Variants in CEP126 observed in about 807,000 individuals in gnomAD.
The protein encoded by CEP126 is centrosomal protein of 126 kDa.
A neutral mutation model predicts 107.8 loss-of-function variants in CEP126; 74 were observed. That is an observed-to-expected ratio of 0.69 (90% CI 0.57 to 0.83). The LOEUF (loss-of-function observed/expected upper bound fraction) is 0.83. Ranked by LOEUF, CEP126 falls within the 40% of genes least tolerant of loss-of-function variation. CEP126 has a pLI of 0.00. For missense variants in CEP126, 1,237 were observed against 1,281.9 expected, an observed-to-expected ratio of 0.96 and a Z score of 0.53; for synonymous variants, 449 against 446.0, an observed-to-expected ratio of 1.01 and a Z score of -0.08.
intron 10 of CEP126, 195 bp downstream of exon 10, chr11:101,993,037 C>A: frequency 7.0e-6 from 2 of 284,530 alleles, no homozygotes; most frequent in Non-Finnish European, 5.3e-6. Context: ...TTAAAAAAAT[C>A]CTTAAAGGTC....
intron 6 of CEP126, among the ~76,000 whole-genome samples, chr11:101,969,171 C>T (rs1226338870): frequency 6.6e-6 from 1 of 152,074 alleles, no homozygotes; most frequent in Non-Finnish European, 1.5e-5. Flanking sequence ...CAGGTGTATG[C>T]CACCATGGCT....
chr11:101,999,245 A>G lies in CEP126; in HGVS notation c.*1602A>G, dbSNP rs1236116836. 1 of 151,824 alleles carries G rather than the reference A, an allele frequency of 6.6e-6. No individual in the cohort carries two copies. The highest frequency in any genetic ancestry group is 1.5e-5 in the Non-Finnish European group (1 of 67,986). The allele number at this position is 151,824 out of a possible 1,614,324, so 9.4% of individuals were successfully genotyped here. Reference sequence around the variant, plus strand: ...TCAATGGGGGTAAACAGGCCAGAAGAGTGTGCCAAGTTGTTTGTGAATCAT... The same window carrying G: ...TCAATGGGGGTAAACAGGCCAGAAGGGTGTGCCAAGTTGTTTGTGAATCAT... On this transcript the variant is annotated 3_prime_UTR_variant, in exon 11 of 11. Transcript: ENST00000263468.
intron 6 of CEP126, among the ~76,000 whole-genome samples, chr11:101,974,228 G>C (rs1258590692): frequency 6.6e-6 from 1 of 152,144 alleles, no homozygotes; most frequent in East Asian, 1.9e-4. Flanking sequence ...GCAGTAACAA[G>C]CAGATCTTTA....
chr11:101,963,970 T>TA, intron 6 of CEP126, 90 bp downstream of exon 6: 1 of 788,870 alleles, frequency 1.3e-6, no homozygotes, highest in East Asian at 2.6e-5. Context: ...TGGCCATACA[T>TA]ACTACATAAA....
At chr11:101,933,919 A>G (rs1421156885) in intron 2 of CEP126, among the ~76,000 whole-genome samples, 1 of 151,374 alleles carries the variant, frequency 6.6e-6, no homozygotes, top group Non-Finnish European at 1.5e-5. Context: ...GGATGAAGTA[A>G]TTTTTTCGGT....
chr11:101,985,334 G>C (rs1202536640), intron 8 of CEP126, among the ~76,000 whole-genome samples: 1 of 150,304 alleles, frequency 6.7e-6, no homozygotes, highest in Non-Finnish European at 1.5e-5. Flanking sequence ...CTAGGCTGAA[G>C]TGCAATGGTG....
At chr11:101,959,988 A>G (rs895857517) in intron 5 of CEP126, among the ~76,000 whole-genome samples, 4 of 152,214 alleles carry the variant, frequency 2.6e-5, no homozygotes, top group African/African-American at 9.6e-5. Flanking sequence ...TAAAGAAACC[A>G]TCGCTGGAAA....
At position 102,000,382 on chromosome 11, in the gene CEP126, A is replaced by G. The variant is rs1467130573; in HGVS notation, c.*2739A>G. 1.3e-5 allele frequency: 2 copies of G among 152,106 alleles called. No homozygotes were observed. Among genetic ancestry groups the G allele is most frequent in the Non-Finnish European group, 2.9e-5 (2 of 68,014 alleles). The allele number at this position is 152,106 out of a possible 1,614,324, so 9.4% of individuals were successfully genotyped here. The stretch of plus-strand genomic sequence containing the variant: ...AGTGGAAAAACTTATGAAACTTCTT[A>G]TAAGAGAGAGTAATCTCAGGCCGGA... On this transcript the variant is annotated 3_prime_UTR_variant, in exon 11 of 11. Coordinates refer to ENST00000263468, the MANE Select transcript of CEP126 (RefSeq NM_020802.4).
At position 101,997,641 on chromosome 11, in the gene CEP126, T is replaced by G; in HGVS notation, c.3352T>G (p.Ter1118GluextTer15). 1 of 1,613,910 alleles carries G rather than the reference T, an allele frequency of 6.2e-7. No homozygotes were observed. Reference sequence around the variant, plus strand: ...AACCAGCAGCTGCAGAGACAAGAGATAATTCCAGCAGAATCCGTCTAAGAA... The same window carrying G: ...AACCAGCAGCTGCAGAGACAAGAGAGAATTCCAGCAGAATCCGTCTAAGAA... ...DRTSSCRDKR[*>E] Residue 1118 changes from the stop codon to glutamate, a stop_lost, in exon 11 of 11, where the codon TAA becomes GAA. Transcript: ENST00000263468.
At chr11:101,926,022 G>A (rs10895223) in intron 2 of CEP126, among the ~76,000 whole-genome samples, 8,926 of 151,892 alleles carry the variant, frequency 0.059, 482 homozygotes, top group East Asian at 0.27. Context: ...ATGTTGTTAC[G>A]TAAGATAGTC....
intron 3 of CEP126, among the ~76,000 whole-genome samples, chr11:101,947,772 G>T (rs1940757485): frequency 6.6e-6 from 1 of 152,050 alleles, no homozygotes; most frequent in South Asian, 2.1e-4. Flanking sequence ...TGCATGCCAG[G>T]AATGAAGAGC....
intron 10 of CEP126, 141 bp from the exon 11 acceptor site, chr11:101,997,457 TC>T: frequency 7.9e-7 from 1 of 1,260,726 alleles, no homozygotes; most frequent in Non-Finnish European, 1.1e-6. Context: ...ATCTATAAAG[TC>T]CTCTGCAATC....
intron 6 of CEP126, among the ~76,000 whole-genome samples, chr11:101,966,351 T>G (rs1459190384): frequency 6.6e-6 from 1 of 152,202 alleles, no homozygotes. Flanking sequence ...TGAGCATTTG[T>G]GGGATTTTTT....
intron 6 of CEP126, among the ~76,000 whole-genome samples, chr11:101,965,051 C>CA (rs534738557): frequency 6.6e-6 from 1 of 151,776 alleles, no homozygotes; most frequent in Non-Finnish European, 1.5e-5. Context: ...TTTGTGAGAG[C>CA]AAAAAAATGA....
intron 3 of CEP126, among the ~76,000 whole-genome samples, chr11:101,946,587 G>T (rs749065336): frequency 6.6e-6 from 1 of 152,068 alleles, no homozygotes; most frequent in South Asian, 2.1e-4. Context: ...GAGGCCGGGC[G>T]TGGTGGCTCA....
intron 4 of CEP126, among the ~76,000 whole-genome samples, chr11:101,948,349 G>A (rs1218747858): frequency 2.0e-5 from 3 of 151,940 alleles, no homozygotes; most frequent in Admixed American, 2.0e-4. Flanking sequence ...AAAGTCCTTG[G>A]TATTACAAAA....
chr11:101,930,977 C>G (rs1174281290), intron 2 of CEP126, among the ~76,000 whole-genome samples: 1 of 152,120 alleles, frequency 6.6e-6, no homozygotes, highest in Non-Finnish European at 1.5e-5. Flanking sequence ...TTCCCAGAAG[C>G]AGAATTTGTG....
chr11:101,922,331 A>C (rs541210022), intron 1 of CEP126, among the ~76,000 whole-genome samples: 31 of 151,712 alleles, frequency 2.0e-4, no homozygotes, highest in Non-Finnish European at 4.0e-4. Flanking sequence ...CGTCCAGCTA[A>C]TTTTTGTATT....
rs1470908604 is a variant in CEP126 at position 101,915,427 on chromosome 11, C to T, written c.128+15C>T. 4 of 1,598,032 alleles carry T rather than the reference C, an allele frequency of 2.5e-6. No individual in the cohort carries two copies. Among genetic ancestry groups the T allele is most frequent in the Non-Finnish European group, 3.4e-6 (4 of 1,168,838 alleles). On this transcript the variant is annotated intron_variant, in intron 1 of 10. Transcript: ENST00000263468. The stretch of plus-strand genomic sequence containing the variant: ...GGCTCTTACCTGTATCCTTCCCAGC[C>T]TGTGGCTGCCAGGGTAGCGATGTTG...
Sources: gnomAD v4.1 joint callset for allele counts (sites outside exome capture counted in the v4.1 genomes callset) on GRCh38, gnomAD v4.1.1 for gene constraint, MANE v1.5 for transcripts, NCBI Gene and HGNC (gene_info 2026-07-23, HGNC 2026-07-21) for gene names.